RASSF5: variants seen among roughly 807,000 people sequenced by gnomAD.
RASSF5 encodes the protein ras association domain-containing protein 5.
A neutral mutation model predicts 40.5 loss-of-function variants in RASSF5; 25 were observed. That is an observed-to-expected ratio of 0.62 (90% CI 0.45 to 0.86). RASSF5 has a LOEUF of 0.86. RASSF5 is among the 40% of genes least tolerant of loss of function. The pLI, the probability that RASSF5 is intolerant of heterozygous loss-of-function variation, is 0.00. For synonymous variants in RASSF5, 246 were observed against 252.4 expected (o/e 0.97, Z 0.24); for missense variants, 521 against 572.8 (o/e 0.91, Z 0.92).
chr1:206,538,445 A>T (rs1667471715), intron 2 of RASSF5, 152 bp downstream of exon 2: 1 of 1,030,304 alleles, frequency 9.7e-7, no homozygotes, highest in East Asian at 2.5e-5. Flanking sequence ...CCCTGTTCCA[A>T]GGGGACTAGG....
At chr1:206,511,703 A>G (rs1287344968) in intron 1 of RASSF5, among the ~76,000 whole-genome samples, 1 of 152,194 alleles carries the variant, frequency 6.6e-6, no homozygotes, top group African/African-American at 2.4e-5. Flanking sequence ...CCTGCCATGC[A>G]GCCCTCGGGG....
At position 206,526,044 on chromosome 1, in the gene RASSF5, C is replaced by T. The variant is rs542639766; in HGVS notation, c.458-12128C>T. 2.0e-4 allele frequency among the ~76,000 whole-genome samples: 31 copies of T among 152,244 alleles called. No homozygotes were observed. The South Asian group carries it at 3.7e-3, about 18-fold the overall frequency. On this transcript the variant is annotated intron_variant, in intron 1 of 5. Coordinates refer to ENST00000579436, the MANE Select transcript of RASSF5 (RefSeq NM_182663.4). ...AACCTGCTTCCATAAAGCCCTCCAC[C>T]CCAACCCACTCTTTTACATGGGAAC...
intron 2 of RASSF5, among the ~76,000 whole-genome samples, chr1:206,555,602 T>C (rs1287485953): frequency 6.6e-6 from 1 of 152,188 alleles, no homozygotes; most frequent in Non-Finnish European, 1.5e-5. Context: ...GATCTTCCCC[T>C]GCAAACACCC....
intron 1 of RASSF5, among the ~76,000 whole-genome samples, chr1:206,511,970 C>T (rs888018368): frequency 6.6e-5 from 10 of 152,164 alleles, no homozygotes; most frequent in African/African-American, 2.2e-4. Flanking sequence ...TTTCAGGCCT[C>T]TCAGAAATCA....
At chr1:206,514,363 G>A (rs782650351) in intron 1 of RASSF5, among the ~76,000 whole-genome samples, 20 of 152,240 alleles carry the variant, frequency 1.3e-4, no homozygotes, top group Admixed American at 7.8e-4. Context: ...ATGGGGCAGA[G>A]GGATCGGGGG....
At chr1:206,516,525 C>T (rs936747492) in intron 1 of RASSF5, among the ~76,000 whole-genome samples, 14 of 151,922 alleles carry the variant, frequency 9.2e-5, no homozygotes, top group Non-Finnish European at 1.9e-4. Flanking sequence ...GGTGCAATCT[C>T]GGCTGACCGC....
intron 2 of RASSF5, chr1:206,544,328 T>G (rs368762864): frequency 5.3e-5 from 8 of 152,262 alleles, no homozygotes; most frequent in African/African-American, 1.9e-4. Context: ...CCTCTAACAG[T>G]CTTGCTAGAT....
chr1:206,555,409 G>A (rs944659528), intron 2 of RASSF5, among the ~76,000 whole-genome samples: 4 of 152,050 alleles, frequency 2.6e-5, no homozygotes, highest in African/African-American at 7.2e-5. Context: ...GAGCAAGGAG[G>A]TTCTTTTTAT....
intron 2 of RASSF5, among the ~76,000 whole-genome samples, chr1:206,578,620 A>G (rs1668748605): frequency 6.6e-6 from 1 of 152,082 alleles, no homozygotes; most frequent in African/African-American, 2.4e-5. Context: ...TTTTTAGCAA[A>G]AATTAGGTTT....
At position 206,579,165 on chromosome 1, in the gene RASSF5, T is replaced by G. The variant is rs868932757; in HGVS notation, c.580-4104T>G. 1.3e-5 allele frequency among the ~76,000 whole-genome samples: 2 copies of G among 152,186 alleles called. No individual in the cohort carries two copies. Among genetic ancestry groups the G allele is most frequent in the Non-Finnish European group, 2.9e-5 (2 of 68,028 alleles). On this transcript the variant is annotated intron_variant, in intron 2 of 5. Coordinates refer to ENST00000579436, the MANE Select transcript of RASSF5 (RefSeq NM_182663.4). The surrounding 1 kb of genome is among the most constrained non-coding windows in gnomAD (Gnocchi z 4.2). Reference sequence around the variant, plus strand: ...TGAGCACAAACCTGTTTTTCACCAGTGCCCTGGACATGCCAAGTGCATTGG... The same window carrying G: ...TGAGCACAAACCTGTTTTTCACCAGGGCCCTGGACATGCCAAGTGCATTGG...
chr1:206,522,747 A>G (rs1666941075), intron 1 of RASSF5, among the ~76,000 whole-genome samples: 1 of 152,156 alleles, frequency 6.6e-6, no homozygotes, highest in Non-Finnish European at 1.5e-5. Context: ...GTGCCATGGT[A>G]TAAGAAGCTC....
At chr1:206,536,857 G>A (rs975230847) in intron 1 of RASSF5, among the ~76,000 whole-genome samples, 8 of 150,612 alleles carry the variant, frequency 5.3e-5, no homozygotes, top group Non-Finnish European at 1.0e-4. Flanking sequence ...AGATTCCAGC[G>A]CCTAGAAGGC....
At position 206,507,785 on chromosome 1, in the gene RASSF5, C is replaced by T; in HGVS notation, c.183C>T (p.Ser61=). ...STAPGAREGR[S]ARRAARGNLE... is the part of the protein sequence containing the mutation. ...CGCCCGGGGCGCGCGAGGGGCGCAG[C>T]GCCCGGAGGGCTGCCCGGGGGAACC... is the stretch of plus-strand genomic sequence containing the variant. The change falls in exon 1 of 6, where the codon AGC becomes AGT. Residue 61 remains serine, a synonymous_variant. Transcript: ENST00000579436. 7.2e-7 allele frequency: 1 copy of T among 1,387,602 alleles called. No homozygotes were observed. The highest frequency in any genetic ancestry group is 9.2e-7 in the Non-Finnish European group (1 of 1,081,654). The allele number at this position is 1,387,602 out of a possible 1,614,324, so 86.0% of individuals were successfully genotyped here.
intron 1 of RASSF5, among the ~76,000 whole-genome samples, chr1:206,524,673 A>ATATTATG (rs1667050253): frequency 2.3e-5 from 3 of 132,224 alleles, no homozygotes; most frequent in African/African-American, 8.8e-5. Context: ...TATATATTAT[A>ATATTATG]TATAATATAT....
chr1:206,531,969 G>A lies in RASSF5; in HGVS notation c.458-6203G>A, dbSNP rs1004721106. ...TGGGAGGCTGAGGCAGGAGAATGGCGTGAACCCGGGAGGCGGAGCTTGCAG... is the reference window on the plus strand; with the variant it reads ...TGGGAGGCTGAGGCAGGAGAATGGCATGAACCCGGGAGGCGGAGCTTGCAG... On this transcript the variant is annotated intron_variant, in intron 1 of 5. Coordinates refer to ENST00000579436, the MANE Select transcript of RASSF5 (RefSeq NM_182663.4). This position sits in a 1 kb window ranked among gnomAD's most constrained non-coding sequence, Gnocchi z 4.7. Among the ~76,000 whole-genome samples the A allele has an allele frequency of 1.3e-5, 2 of 151,822 alleles. No homozygotes were observed. Among genetic ancestry groups the A allele is most frequent in the South Asian group, 2.1e-4 (1 of 4,814 alleles).
chr1:206,570,258 A>T (rs1161127244), intron 2 of RASSF5, among the ~76,000 whole-genome samples: 1 of 151,382 alleles, frequency 6.6e-6, no homozygotes, highest in Non-Finnish European at 1.5e-5. Context: ...CGCTTGGCTA[A>T]TTTTTTTGTA....
At chr1:206,527,040 A>C (rs1667114776) in intron 1 of RASSF5, among the ~76,000 whole-genome samples, 2 of 152,176 alleles carry the variant, frequency 1.3e-5, no homozygotes. Flanking sequence ...CAGTTAACTG[A>C]GGTTAATTGT....
chr1:206,545,687 C>A lies in RASSF5; in HGVS notation c.579+7394C>A, dbSNP rs7531241. On this transcript the variant is annotated intron_variant, in intron 2 of 5. Coordinates refer to ENST00000579436, the MANE Select transcript of RASSF5 (RefSeq NM_182663.4). ...GACCTGTGTATCATTATGAAATGAC[C>A]TTCTTTATCCCTGTTAACATTCTCT... 3.7e-3 allele frequency among the ~76,000 whole-genome samples: 562 copies of A among 152,134 alleles called. 5 individuals are homozygous for A. The highest frequency in any genetic ancestry group is 0.013 in the African/African-American group (541 of 41,450).
intron 2 of RASSF5, among the ~76,000 whole-genome samples, chr1:206,581,614 GAGAGAGAC>G: frequency 7.3e-6 from 1 of 137,058 alleles, no homozygotes; most frequent in Non-Finnish European, 1.6e-5. Flanking sequence ...GAAAGAAAGA[GAGAGAGAC>G]AGAGAGAGAG....
Sources: allele counts gnomAD v4.1 joint callset (sites outside exome capture counted in the v4.1 genomes callset), GRCh38; gene constraint gnomAD v4.1.1; non-coding constraint Gnocchi (gnomAD v3.1); transcripts MANE v1.5; gene names NCBI Gene and HGNC (gene_info 2026-07-23, HGNC 2026-07-21).